Variants in MYO5B observed in about 807,000 individuals in gnomAD.
The protein encoded by MYO5B is myosin VB, also known as unconventional myosin-Vb.
In MYO5B, 143 loss-of-function variants were observed where a neutral mutation model predicts 229.3. That is an observed-to-expected ratio of 0.62 (90% CI 0.54 to 0.72). MYO5B has a LOEUF of 0.72. Ranked by LOEUF, MYO5B falls within the 30% of genes least tolerant of loss-of-function variation. The pLI, the probability that MYO5B is intolerant of heterozygous loss-of-function variation, is 0.00. For missense variants in MYO5B, 2,321 were observed against 2,331.0 expected, an observed-to-expected ratio of 1.00 and a Z score of 0.09; for synonymous variants, 918 against 885.2, an observed-to-expected ratio of 1.04 and a Z score of -0.66.
At chr18:49,890,044 C>T (rs1304074635) in intron 22 of MYO5B, among the ~76,000 whole-genome samples, 5 of 152,270 alleles carry the variant, frequency 3.3e-5, no homozygotes, top group East Asian at 3.9e-4. Flanking sequence ...TGGAGGTAGG[C>T]CCATGTTCCT....
chr18:50,011,297 G>A (rs146083410), intron 4 of MYO5B, among the ~76,000 whole-genome samples: 57 of 152,268 alleles, frequency 3.7e-4, no homozygotes, highest in African/African-American at 1.3e-3. Context: ...AGCCAAGATC[G>A]TGCCACTGCA....
chr18:50,188,816 A>AACACACACACACACACACAC, intron 1 of MYO5B, among the ~76,000 whole-genome samples: 1 of 141,216 alleles, frequency 7.1e-6, no homozygotes, highest in Non-Finnish European at 1.5e-5. Flanking sequence ...AAAAAAAAAA[A>AACACACACACACACACACAC]ACACACACAC....
chr18:50,067,750 C>T (rs1216062229), intron 1 of MYO5B, among the ~76,000 whole-genome samples: 2 of 152,142 alleles, frequency 1.3e-5, no homozygotes, highest in African/African-American at 4.8e-5. Flanking sequence ...CAGCCTGGGG[C>T]CCTCTCTGGA....
intron 39 of MYO5B, among the ~76,000 whole-genome samples, chr18:49,832,245 T>G (rs891559378): frequency 3.3e-5 from 5 of 152,176 alleles, no homozygotes; most frequent in African/African-American, 1.2e-4. Flanking sequence ...ACCCTTCTGA[T>G]AAGGTTGTGA....
intron 1 of MYO5B, among the ~76,000 whole-genome samples, chr18:50,062,053 T>C (rs1325564995): frequency 6.6e-6 from 1 of 152,192 alleles, no homozygotes; most frequent in Non-Finnish European, 1.5e-5. Context: ...TCTCAGTCTC[T>C]AAGTCCTCCA....
chr18:50,101,188 G>C (rs1238196868), intron 1 of MYO5B, among the ~76,000 whole-genome samples: 3 of 152,198 alleles, frequency 2.0e-5, no homozygotes, highest in Non-Finnish European at 4.4e-5. Context: ...TGACGAGTAT[G>C]TGAATTAGCT....
In MYO5B at chr18:50,093,713, G is replaced by A. The variant is rs1409429464; in HGVS notation, c.28-38335C>T. On this transcript the variant is annotated intron_variant, in intron 1 of 39. Coordinates refer to ENST00000285039, the MANE Select transcript of MYO5B (RefSeq NM_001080467.3). ...CCAAAAACAAGATGGAAATTAAAGT[G>A]ACCTCTGGTCGTCCTCAGCGCTCAT... Among the ~76,000 whole-genome samples the A allele has an allele frequency of 3.3e-5, 5 of 152,032 alleles. No homozygotes were observed. The East Asian group carries it at 7.7e-4, about 23-fold the overall frequency.
intron 27 of MYO5B, 89 bp from the exon 28 acceptor site, chr18:49,864,469 C>T: frequency 6.4e-7 from 1 of 1,554,282 alleles, no homozygotes; most frequent in East Asian, 2.3e-5. Context: ...TTCTTTTGTC[C>T]ACTGGGAAAC....
chr18:49,897,351 G>A (rs2024790355), intron 21 of MYO5B, among the ~76,000 whole-genome samples: 5 of 152,160 alleles, frequency 3.3e-5, no homozygotes, highest in Admixed American at 2.0e-4. Flanking sequence ...GAGGTGGAAG[G>A]CAGTGATACT....
At chr18:49,878,288 A>C (rs772371388) in intron 24 of MYO5B, among the ~76,000 whole-genome samples, 9 of 152,184 alleles carry the variant, frequency 5.9e-5, no homozygotes, top group Non-Finnish European at 1.2e-4. Flanking sequence ...AAATAGTAGC[A>C]TATTAAAAAT....
At chr18:50,009,407 T>C (rs183323652) in intron 4 of MYO5B, among the ~76,000 whole-genome samples, 8 of 152,234 alleles carry the variant, frequency 5.3e-5, no homozygotes, top group Admixed American at 6.5e-5. Context: ...CTCAATATGG[T>C]ATATTTTCAT....
intron 22 of MYO5B, among the ~76,000 whole-genome samples, chr18:49,884,633 C>T (rs547204048): frequency 7.1e-4 from 108 of 152,200 alleles, no homozygotes; most frequent in African/African-American, 2.5e-3. Context: ...CAGTGGGGAG[C>T]GGCTGTAAAT....
chr18:49,956,868 G>A (rs2025497911), intron 12 of MYO5B, among the ~76,000 whole-genome samples: 1 of 152,070 alleles, frequency 6.6e-6, no homozygotes, highest in African/African-American at 2.4e-5. Context: ...GCCCAGAATA[G>A]GCAAATCCAT....
chr18:49,864,234 G>C lies in MYO5B; in HGVS notation c.3750C>G (p.Ala1250=), dbSNP rs2024367920. 1.2e-6 allele frequency: 2 copies of C among 1,613,962 alleles called. No homozygotes were observed. The highest frequency in any genetic ancestry group is 1.1e-5 in the South Asian group (1 of 91,094). Residue 1250 remains alanine, a synonymous_variant, in exon 28 of 40, where the codon GCC becomes GCG. Transcript: ENST00000285039. The stretch of plus-strand genomic sequence containing the variant: ...CCTTGCGCACCTCGAGCTCCTCGTG[G>C]GCCAGCTTGAGCTGGTTCAGCAGGA... The part of the protein sequence containing the change: ...YSLLLNQLKL[A]HEELEVRKEE...
chr18:49,973,451 G>A (rs546963668), intron 10 of MYO5B, among the ~76,000 whole-genome samples: 4 of 152,276 alleles, frequency 2.6e-5, no homozygotes, highest in South Asian at 2.1e-4. Flanking sequence ...CTGTTCTTAC[G>A]ACGCTTCACT....
chr18:49,924,521 C>G (rs2025108752), intron 17 of MYO5B, among the ~76,000 whole-genome samples: 1 of 152,314 alleles, frequency 6.6e-6, no homozygotes, highest in Middle Eastern at 3.4e-3. Context: ...TCTGGCAGGC[C>G]ACAGCTCTGC....
chr18:50,083,705 C>T (rs190797972), intron 1 of MYO5B, among the ~76,000 whole-genome samples: 1 of 152,266 alleles, frequency 6.6e-6, no homozygotes, highest in East Asian at 1.9e-4. Flanking sequence ...TCTGTTCAAC[C>T]ATTCTGCAAC....
intron 2 of MYO5B, among the ~76,000 whole-genome samples, chr18:50,041,714 T>C (rs1326310260): frequency 2.0e-5 from 3 of 152,190 alleles, no homozygotes; most frequent in Non-Finnish European, 2.9e-5. Context: ...GTGTAAGTTT[T>C]GGAAGTAAGA....
At chr18:50,039,553 A>T (rs946513636) in intron 3 of MYO5B, among the ~76,000 whole-genome samples, 1 of 152,030 alleles carries the variant, frequency 6.6e-6, no homozygotes, top group South Asian at 2.1e-4. Context: ...GGATGGTCTC[A>T]ATCTCCTGAC....
Sources: gnomAD v4.1 joint callset for allele counts (sites outside exome capture counted in the v4.1 genomes callset) on GRCh38, gnomAD v4.1.1 for gene constraint, MANE v1.5 for transcripts, NCBI Gene and HGNC (gene_info 2026-07-23, HGNC 2026-07-21) for gene names.